CRYBG1: variants seen among roughly 807,000 people sequenced by gnomAD.
CRYBG1 encodes beta/gamma crystallin domain-containing protein 1.
In CRYBG1, 139 loss-of-function variants were observed where a neutral mutation model predicts 189.2. The observed-to-expected ratio is 0.73, with a 90% CI of 0.64 to 0.85. CRYBG1 has a LOEUF of 0.85. Ranked by LOEUF, CRYBG1 falls within the 40% of genes least tolerant of loss-of-function variation. The pLI is 0.00. For synonymous variants in CRYBG1, 1,023 were observed against 1,017.1 expected, an observed-to-expected ratio of 1.01 and a Z score of -0.11; for missense variants, 2,611 against 2,675.8, an observed-to-expected ratio of 0.98 and a Z score of 0.53.
intron 1 of CRYBG1, among the ~76,000 whole-genome samples, chr6:106,375,883 A>G (rs1420935737): frequency 6.6e-6 from 1 of 152,198 alleles, no homozygotes; most frequent in Non-Finnish European, 1.5e-5. Flanking sequence ...TCCTATATAC[A>G]TGTACCTATG....
chr6:106,397,310 T>C (rs776273005), intron 1 of CRYBG1, among the ~76,000 whole-genome samples: 1 of 152,212 alleles, frequency 6.6e-6, no homozygotes, highest in Non-Finnish European at 1.5e-5. Flanking sequence ...AAGTATGCAG[T>C]ATAGTATTGT....
intron 1 of CRYBG1, among the ~76,000 whole-genome samples, chr6:106,372,436 G>C (rs982666833): frequency 2.0e-5 from 3 of 152,070 alleles, no homozygotes; most frequent in Non-Finnish European, 4.4e-5. Flanking sequence ...ATTTTCAGTA[G>C]AGACCAGATT....
At chr6:106,559,656 G>T (rs1477152476) in intron 18 of CRYBG1, among the ~76,000 whole-genome samples, 1 of 151,958 alleles carries the variant, frequency 6.6e-6, no homozygotes, top group African/African-American at 2.4e-5. Context: ...GTGGTGGTGG[G>T]GCCCCTGTAA....
At chr6:106,407,964 C>T (rs1478217517) in intron 1 of CRYBG1, among the ~76,000 whole-genome samples, 5 of 151,930 alleles carry the variant, frequency 3.3e-5, no homozygotes, top group Admixed American at 1.3e-4. Context: ...ATTAAAAGAA[C>T]CAGAAAAGCA....
At chr6:106,450,783 C>T (rs34296774) in intron 1 of CRYBG1, among the ~76,000 whole-genome samples, 32,259 of 152,166 alleles carry the variant, frequency 0.21, 3,674 homozygotes, top group South Asian at 0.3. Flanking sequence ...GGGAAACTTT[C>T]TCTTCTTGTA....
chr6:106,494,765 A>G (rs1195265786), intron 2 of CRYBG1, among the ~76,000 whole-genome samples: 1 of 152,222 alleles, frequency 6.6e-6, no homozygotes, highest in Non-Finnish European at 1.5e-5. Context: ...CTTTTCAATT[A>G]TTATGTTGCA....
In CRYBG1 at chr6:106,497,128, A is replaced by G. The variant is rs1281933563; in HGVS notation, c.313-14302A>G. 2.6e-5 allele frequency among the ~76,000 whole-genome samples: 4 copies of G among 152,160 alleles called. No homozygotes were observed. In the East Asian group the frequency reaches 7.7e-4, roughly 29 times the overall value. On this transcript the variant is annotated intron_variant, in intron 2 of 21. Coordinates refer to ENST00000633556, the MANE Select transcript of CRYBG1 (RefSeq NM_001371242.2). The stretch of plus-strand genomic sequence containing the variant: ...CACCATCAGCCCACTCCTGACACAT[A>G]TAGTCCTAACCTCTGCCACCCTCCC...
chr6:106,361,957 A>ATCTTTCTTTCTTTCTTTC (rs1771877694), intron 1 of CRYBG1, among the ~76,000 whole-genome samples: 2 of 126,778 alleles, frequency 1.6e-5, no homozygotes, highest in African/African-American at 5.7e-5. Context: ...TTTTCCTTTT[A>ATCTTTCTTTCTTTCTTTC]TTTCTTTCTT....
At chr6:106,447,905 C>G (rs1771697793) in intron 1 of CRYBG1, among the ~76,000 whole-genome samples, 1 of 152,152 alleles carries the variant, frequency 6.6e-6, no homozygotes. Context: ...GATAGTGTTA[C>G]AAAGTTGCTT....
chr6:106,505,067 G>A (rs1373957668), intron 2 of CRYBG1, among the ~76,000 whole-genome samples: 1 of 151,340 alleles, frequency 6.6e-6, no homozygotes, highest in Non-Finnish European at 1.5e-5. Context: ...CTCCGGCACA[G>A]GACAACAGGC....
At chr6:106,429,332 A>G (rs561738893) in intron 1 of CRYBG1, among the ~76,000 whole-genome samples, 1 of 152,286 alleles carries the variant, frequency 6.6e-6, no homozygotes, top group South Asian at 2.1e-4. Context: ...TCTTTTAGGG[A>G]CTATAAAATA....
intron 1 of CRYBG1, among the ~76,000 whole-genome samples, chr6:106,372,549 G>T (rs1373958913): frequency 2.6e-5 from 4 of 152,140 alleles, no homozygotes; most frequent in Non-Finnish European, 5.9e-5. Context: ...ACCGTGCCTG[G>T]CCTTTTGTCA....
At chr6:106,397,157 A>G (rs1222477219) in intron 1 of CRYBG1, among the ~76,000 whole-genome samples, 2 of 152,242 alleles carry the variant, frequency 1.3e-5, no homozygotes, top group Non-Finnish European at 2.9e-5. Flanking sequence ...TAAAAAGCAT[A>G]TATGCTTAAG....
At chr6:106,426,976 CT>C (rs919514566) in intron 1 of CRYBG1, among the ~76,000 whole-genome samples, 4 of 151,950 alleles carry the variant, frequency 2.6e-5, no homozygotes, top group African/African-American at 4.8e-5. Context: ...TCCAGGTTTC[CT>C]TTTTTTTCTC....
chr6:106,464,902 A>G (rs947504528), intron 2 of CRYBG1, among the ~76,000 whole-genome samples: 3 of 152,256 alleles, frequency 2.0e-5, no homozygotes, highest in Non-Finnish European at 4.4e-5. Context: ...TGCATCATAA[A>G]AATAAAAAAT....
chr6:106,549,012 C>T (rs1186750263), intron 13 of CRYBG1, among the ~76,000 whole-genome samples: 2 of 150,216 alleles, frequency 1.3e-5, no homozygotes, highest in African/African-American at 2.4e-5. Flanking sequence ...TTTGTCCTTG[C>T]GATCGTTTGC....
chr6:106,552,499 T>C (rs1254900954), intron 15 of CRYBG1, among the ~76,000 whole-genome samples: 7 of 141,338 alleles, frequency 5.0e-5, no homozygotes, highest in Non-Finnish European at 7.5e-5. Context: ...GGCAGGAGAA[T>C]TGCTTGAACC....
At chr6:106,478,553 A>G (rs1407954897) in intron 2 of CRYBG1, among the ~76,000 whole-genome samples, 2 of 152,224 alleles carry the variant, frequency 1.3e-5, no homozygotes, top group Non-Finnish European at 2.9e-5. Context: ...TTGTATCCCA[A>G]CATACCATTT....
rs987397232 is a variant in CRYBG1, at chr6:106,571,277, G to A, written c.*2711G>A. 3 of 152,222 alleles carry A rather than the reference G, an allele frequency of 2.0e-5. No homozygotes were observed. Among genetic ancestry groups the A allele is most frequent in the Non-Finnish European group, 2.9e-5 (2 of 68,046 alleles). 9.4% of individuals were successfully genotyped at this position (152,222 alleles called of 1,614,324 possible). A position where few individuals can be genotyped will look rare whatever the true frequency, so the allele number is the denominator to read the frequency against. On this transcript the variant is annotated 3_prime_UTR_variant, in exon 22 of 22. Coordinates refer to ENST00000633556, the MANE Select transcript of CRYBG1 (RefSeq NM_001371242.2). ...TAAGAGCTGTGGTGACCACATTATG[G>A]TGGAGGAACAAAAAAGGAAACCTTG...
Sources: allele counts gnomAD v4.1 joint callset (sites outside exome capture counted in the v4.1 genomes callset), GRCh38; gene constraint gnomAD v4.1.1; transcripts MANE v1.5; gene names NCBI Gene and HGNC (gene_info 2026-07-23, HGNC 2026-07-21).